RUFY4: variants seen among roughly 807,000 people sequenced by gnomAD.
The protein encoded by RUFY4 is RUN and FYVE domain containing 4.
A neutral mutation model predicts 69.0 loss-of-function variants in RUFY4; 73 were observed. The ratio of observed to expected loss-of-function variants is 1.06; its 90% CI spans 0.88 to 1.29. The LOEUF is 1.29. Ranked by LOEUF, RUFY4 falls within the 50% of genes most tolerant of loss-of-function variation. The pLI is 0.00. For synonymous variants in RUFY4, 287 were observed against 271.8 expected (o/e 1.06, Z -0.55); for missense variants, 770 against 705.6 (o/e 1.09, Z -1.03).
intron 3 of RUFY4, chr2:218,060,346 G>A (rs1428068006): frequency 9.1e-6 from 14 of 1,537,084 alleles, no homozygotes; most frequent in Non-Finnish European, 1.2e-5. Context: ...GTCTTAGAGA[G>A]TAGTGGAAGT....
intron 2 of RUFY4, among the ~76,000 whole-genome samples, chr2:218,038,509 T>C (rs945420588): frequency 6.6e-6 from 1 of 152,180 alleles, no homozygotes; most frequent in Non-Finnish European, 1.5e-5. Context: ...AAAAGTGAAT[T>C]GATTTAAAGA....
Position 218,083,171 on chromosome 2 carries a change from AG to A in RUFY4, c.1419del (p.Arg474GlyfsTer19). 1 of 1,613,682 alleles carries A rather than the reference AG, an allele frequency of 6.2e-7. No individual in the cohort carries two copies. The highest frequency in any genetic ancestry group is 1.7e-5 in the Admixed American group (1 of 59,992). On this transcript the variant is annotated frameshift_variant, in exon 9 of 11. Coordinates refer to ENST00000344321, the Ensembl canonical transcript of RUFY4. LOFTEE classifies it high-confidence loss of function. ...GGAGCAGAAGCAACAGGAGGCTGAG[AG>A]GAGGGATGCCATGTACCAGGAGGAG...
At chr2:218,042,850 G>C (rs896454019) in intron 2 of RUFY4, among the ~76,000 whole-genome samples, 1 of 152,096 alleles carries the variant, frequency 6.6e-6, no homozygotes, top group Non-Finnish European at 1.5e-5. Context: ...TAATGAGTGT[G>C]TTACAGTTTT....
chr2:218,037,836 T>C (rs980234371), intron 2 of RUFY4, among the ~76,000 whole-genome samples: 2 of 152,250 alleles, frequency 1.3e-5, no homozygotes, highest in Non-Finnish European at 1.5e-5. Flanking sequence ...AGTTTCTGAA[T>C]TCTGGAAGGA....
chr2:218,080,067 G>A lies in RUFY4; in HGVS notation c.1356-3043G>A, dbSNP rs1411834700. 2.0e-5 allele frequency among the ~76,000 whole-genome samples: 3 copies of A among 152,338 alleles called. No individual in the cohort carries two copies. In the East Asian group the frequency reaches 5.8e-4, roughly 29 times the overall value. On this transcript the variant is annotated intron_variant, in intron 8 of 10. Coordinates refer to ENST00000344321, the Ensembl canonical transcript of RUFY4. ...ATGCAAATATCTAGTGAGAAGTGCT[G>A]TGGCCAGGGGAATGTCCGGAAGACA...
intron 2 of RUFY4, among the ~76,000 whole-genome samples, chr2:218,046,047 C>T (rs191577036): frequency 2.8e-4 from 43 of 152,072 alleles, no homozygotes; most frequent in Admixed American, 7.2e-4. Flanking sequence ...CCTCGTGATC[C>T]GCCCGCCTCG....
At chr2:218,040,645 C>T (rs866737674) in intron 2 of RUFY4, among the ~76,000 whole-genome samples, 1 of 152,064 alleles carries the variant, frequency 6.6e-6, no homozygotes, top group African/African-American at 2.4e-5. Context: ...CTTTTTATAC[C>T]TTGCCCTTTT....
At chr2:218,065,442 G>A (rs1230606804), upstream of RUFY4, 2 of 152,508 alleles carry the variant, frequency 1.3e-5, no homozygotes, top group Non-Finnish European at 2.9e-5. Flanking sequence ...ATGCTTTAGA[G>A]TGGAGATGGA....
At chr2:218,066,863 C>A (rs147131699), upstream of RUFY4, among the ~76,000 whole-genome samples, 1,424 of 152,344 alleles carry the variant, frequency 9.3e-3, 32 homozygotes, top group African/African-American at 0.033. Flanking sequence ...GACAGATTTT[C>A]CGTTTCCTTG....
chr2:218,089,351 G>A (rs756814111), exon 10 of RUFY4: 4 of 1,613,794 alleles, frequency 2.5e-6, no homozygotes, highest in East Asian at 2.2e-5. Context: ...TTTCTCGGCG[G>A]TATCCATGCA....
chr2:218,043,439 G>A (rs1027970912), intron 2 of RUFY4, among the ~76,000 whole-genome samples: 4 of 151,818 alleles, frequency 2.6e-5, no homozygotes, highest in Admixed American at 1.3e-4. Context: ...TCAGCAGAGA[G>A]GGTAGCTCTT....
chr2:218,083,213 G>A (rs921135529), exon 9 of RUFY4: 12 of 1,613,094 alleles, frequency 7.4e-6, no homozygotes, highest in Non-Finnish European at 1.0e-5. Flanking sequence ...AGGGCAGCGG[G>A]ACTTGGTCCA....
intron 8 of RUFY4, among the ~76,000 whole-genome samples, chr2:218,080,989 T>C (rs994808525): frequency 2.0e-5 from 3 of 152,202 alleles, no homozygotes; most frequent in African/African-American, 7.2e-5. Flanking sequence ...ATTATCTGTC[T>C]CCTAACATTG....
At chr2:218,064,276 C>T (rs1363406552), upstream of RUFY4, among the ~76,000 whole-genome samples, 1 of 152,156 alleles carries the variant, frequency 6.6e-6, no homozygotes, top group African/African-American at 2.4e-5. Flanking sequence ...CCACCAAGAA[C>T]CTTCAGCTCC....
At chr2:218,046,117 T>C (rs1425502878) in intron 2 of RUFY4, among the ~76,000 whole-genome samples, 1 of 152,092 alleles carries the variant, frequency 6.6e-6, no homozygotes, top group African/African-American at 2.4e-5. Flanking sequence ...TAGTGATGTT[T>C]TGATGTATAT....
chr2:218,072,727 G>GGC (rs1689519076), intron 3 of RUFY4, 52 bp from the exon 6 acceptor site: 28 of 1,393,586 alleles, frequency 2.0e-5, no homozygotes, highest in African/African-American at 8.7e-5. Context: ...GTGTTACCTG[G>GGC]GCGCCCTTTG....
At chr2:218,070,815 G>T in exon 2 of RUFY4, 1 of 1,537,256 alleles carries the variant, frequency 6.5e-7, no homozygotes, top group Non-Finnish European at 8.7e-7. Context: ...GGACACCAGT[G>T]CCGAGCTGCA....
At chr2:218,085,665 A>G (rs562218182) in intron 9 of RUFY4, among the ~76,000 whole-genome samples, 5 of 152,206 alleles carry the variant, frequency 3.3e-5, no homozygotes, top group Non-Finnish European at 7.3e-5. Flanking sequence ...AGAGCAATCC[A>G]TACCTGCTGC....
intron 2 of RUFY4, among the ~76,000 whole-genome samples, chr2:218,038,924 TCTC>T (rs1959019451): frequency 6.6e-6 from 1 of 152,116 alleles, no homozygotes; most frequent in Non-Finnish European, 1.5e-5. Flanking sequence ...GCAGCAGTCT[TCTC>T]CTTGACCTTC....
Sources: allele counts gnomAD v4.1 joint callset (sites outside exome capture counted in the v4.1 genomes callset), GRCh38; gene constraint gnomAD v4.1.1; transcripts MANE v1.5; gene names NCBI Gene and HGNC (gene_info 2026-07-23, HGNC 2026-07-21).